The following PHACTR1 variants were observed in gnomAD, a reference collection of about 807,000 sequenced individuals.
PHACTR1 encodes the protein phosphatase and actin regulator 1.
In PHACTR1, 16 loss-of-function variants were observed where a neutral mutation model predicts 69.2. The observed-to-expected ratio is 0.23, with a 90% CI of 0.16 to 0.35. The LOEUF is 0.35. Among genes scored for constraint, PHACTR1 ranks in the 10% least tolerant of loss-of-function variants. The pLI is 1.00. For synonymous variants in PHACTR1, 312 were observed against 284.5 expected (o/e 1.10, Z -0.97); for missense variants, 510 against 734.7 (o/e 0.69, Z 3.54).
intron 4 of PHACTR1, among the ~76,000 whole-genome samples, chr6:12,898,605 A>G (rs1030029770): frequency 6.6e-6 from 1 of 152,106 alleles, no homozygotes; most frequent in African/African-American, 2.4e-5. Flanking sequence ...GCTACTTTTA[A>G]TCCAGGCTAC....
rs187752500 is a variant in PHACTR1, at chr6:13,110,287, C to A, written c.416-49917C>A. Reference sequence around the variant, plus strand: ...GCTAGCAGTAATTTGCATGATCCCTCCAAAGCTTGCTTTTAAGTTTGTTTC... The same window carrying A: ...GCTAGCAGTAATTTGCATGATCCCTACAAAGCTTGCTTTTAAGTTTGTTTC... On this transcript the variant is annotated intron_variant, in intron 5 of 14. Coordinates refer to ENST00000332995, the MANE Select transcript of PHACTR1 (RefSeq NM_030948.6). Among the ~76,000 whole-genome samples, 430 of 152,230 alleles carry A rather than the reference C, an allele frequency of 2.8e-3. 3 individuals are homozygous for A. The highest frequency in any genetic ancestry group is 4.6e-3 in the Non-Finnish European group (316 of 68,008).
chr6:13,106,951 T>A (rs2127885546), intron 5 of PHACTR1, among the ~76,000 whole-genome samples: 1 of 152,342 alleles, frequency 6.6e-6, no homozygotes, highest in Non-Finnish European at 1.5e-5. Flanking sequence ...TGGATTAAAT[T>A]TGATAGTATT....
At chr6:12,941,689 C>T (rs1790079036) in intron 4 of PHACTR1, among the ~76,000 whole-genome samples, 1 of 152,040 alleles carries the variant, frequency 6.6e-6, no homozygotes, top group African/African-American at 2.4e-5. Context: ...GGGTGTACGT[C>T]AGGACAGGCG....
intron 4 of PHACTR1, among the ~76,000 whole-genome samples, chr6:13,003,761 G>A (rs182543386): frequency 1.3e-5 from 2 of 151,204 alleles, no homozygotes; most frequent in East Asian, 1.9e-4. Flanking sequence ...TGAGTCTCTA[G>A]TGTCTATCAT....
At chr6:13,211,254 T>A (rs967300287) in intron 8 of PHACTR1, among the ~76,000 whole-genome samples, 1 of 152,242 alleles carries the variant, frequency 6.6e-6, no homozygotes, top group Admixed American at 6.5e-5. Flanking sequence ...TGTGTAGTCT[T>A]TTATCCCTCA....
At position 13,034,108 on chromosome 6, in the gene PHACTR1, CT is replaced by C. The variant is rs1189686182; in HGVS notation, c.251-19256del. ...CTCGGCTCACTGCAGGCTCCGCCCCCTGGGGTTCACGCCATTCTCCTGCCTC... is the reference window on the plus strand; with the variant it reads ...CTCGGCTCACTGCAGGCTCCGCCCCCGGGGTTCACGCCATTCTCCTGCCTC... On this transcript the variant is annotated intron_variant, in intron 4 of 14. Transcript: ENST00000332995. 3.9e-5 allele frequency among the ~76,000 whole-genome samples: 6 copies of C among 152,160 alleles called. No homozygotes were observed. The South Asian group carries it at 1.2e-3, about 32-fold the overall frequency.
chr6:13,122,880 T>G (rs752572247), intron 5 of PHACTR1, among the ~76,000 whole-genome samples: 55 of 152,232 alleles, frequency 3.6e-4, no homozygotes, highest in Non-Finnish European at 5.3e-4. Flanking sequence ...TTACTACCTA[T>G]GAGCTTGCAC....
intron 5 of PHACTR1, among the ~76,000 whole-genome samples, chr6:13,085,843 ATATAT>A (rs1172687989): frequency 1.3e-5 from 2 of 152,044 alleles, no homozygotes; most frequent in Non-Finnish European, 2.9e-5. Context: ...CTGAGAATAA[ATATAT>A]TATGTGTCAA....
intron 4 of PHACTR1, among the ~76,000 whole-genome samples, chr6:12,929,928 C>G (rs1788686119): frequency 6.6e-6 from 1 of 152,164 alleles, no homozygotes; most frequent in African/African-American, 2.4e-5. Flanking sequence ...GAGACTCCAG[C>G]ATAGCTATTG....
At chr6:13,280,728 C>A (rs1779971984) in intron 12 of PHACTR1, 1 of 327,000 alleles carries the variant, frequency 3.1e-6, no homozygotes, top group Non-Finnish European at 6.0e-6. Flanking sequence ...TTAAAAAAGA[C>A]ATGCCTGCGG....
chr6:13,028,092 A>T (rs1196577845), intron 4 of PHACTR1, among the ~76,000 whole-genome samples: 1 of 152,226 alleles, frequency 6.6e-6, no homozygotes, highest in Non-Finnish European at 1.5e-5. Flanking sequence ...AACAGGGTAT[A>T]GATGCTTCTT....
intron 4 of PHACTR1, among the ~76,000 whole-genome samples, chr6:12,817,516 A>G (rs13215271): frequency 0.081 from 12,304 of 152,220 alleles, 529 homozygotes; most frequent in Middle Eastern, 0.12. Flanking sequence ...AAACAGGAAA[A>G]TGGAAATAAT....
chr6:12,929,478 G>A (rs1426689098), intron 4 of PHACTR1, among the ~76,000 whole-genome samples: 1 of 152,114 alleles, frequency 6.6e-6, no homozygotes, highest in Non-Finnish European at 1.5e-5. Flanking sequence ...CCAGAGAGAG[G>A]AACTATAAGC....
intron 5 of PHACTR1, among the ~76,000 whole-genome samples, chr6:13,104,848 T>G (rs1025604511): frequency 5.3e-5 from 8 of 152,364 alleles, no homozygotes; most frequent in Admixed American, 1.3e-4. Flanking sequence ...CTTACCTATA[T>G]TCTATAAATT....
chr6:13,109,296 T>A (rs9473486), intron 5 of PHACTR1, among the ~76,000 whole-genome samples: 79,524 of 151,772 alleles, frequency 0.52, 22,892 homozygotes, highest in African/African-American at 0.77. Context: ...GCCCTAAAAA[T>A]CTTCCTCTAA....
intron 7 of PHACTR1, among the ~76,000 whole-genome samples, chr6:13,203,231 C>G (rs1307620602): frequency 1.3e-5 from 2 of 152,168 alleles, no homozygotes; most frequent in Non-Finnish European, 2.9e-5. Context: ...ATTTGCATCT[C>G]TTGTGATGTG....
intron 4 of PHACTR1, among the ~76,000 whole-genome samples, chr6:12,951,597 C>T (rs1390053526): frequency 6.6e-6 from 1 of 152,178 alleles, no homozygotes; most frequent in African/African-American, 2.4e-5. Context: ...CAGTGATGGC[C>T]AAGGGCTGAC....
intron 5 of PHACTR1, among the ~76,000 whole-genome samples, chr6:13,151,590 A>G (rs1221740726): frequency 1.3e-5 from 2 of 152,256 alleles, no homozygotes; most frequent in Non-Finnish European, 2.9e-5. Context: ...GGCTGGTTAA[A>G]TAAATCATAG....
chr6:13,067,022 G>T (rs1194624324), intron 5 of PHACTR1, among the ~76,000 whole-genome samples: 1 of 152,148 alleles, frequency 6.6e-6, no homozygotes, highest in African/African-American at 2.4e-5. Flanking sequence ...TTGGAAGCCA[G>T]CTACTACCAT....
Sources: gnomAD v4.1 joint callset for allele counts (sites outside exome capture counted in the v4.1 genomes callset) on GRCh38, gnomAD v4.1.1 for gene constraint, MANE v1.5 for transcripts, NCBI Gene and HGNC (gene_info 2026-07-23, HGNC 2026-07-21) for gene names.